The following HSD11B1L variants were observed in gnomAD, a reference collection of about 807,000 sequenced individuals.
HSD11B1L encodes hydroxysteroid 11-beta dehydrogenase 1 like.
Under a neutral mutation model 27.0 loss-of-function variants are expected in HSD11B1L, and 22 were observed. The ratio of observed to expected loss-of-function variants is 0.81; its 90% CI spans 0.58 to 1.16. HSD11B1L has a LOEUF of 1.16. HSD11B1L is among the 50% of genes most tolerant of loss of function. HSD11B1L has a pLI of 0.00. For missense variants in HSD11B1L, 372 were observed against 401.8 expected (o/e 0.93, Z 0.63); for synonymous variants, 187 against 189.2 (o/e 0.99, Z 0.09).
At position 5,684,875 on chromosome 19, in the gene HSD11B1L, G is replaced by A. The variant is rs761542737; in HGVS notation, c.43G>A (p.Ala15Thr). 28 of 1,613,720 alleles carry A rather than the reference G, an allele frequency of 1.7e-5. No homozygotes were observed. The East Asian group carries it at 3.1e-4, about 18-fold the overall frequency. The change falls in exon 2 of 8, where the codon GCC becomes ACC. Residue 15 changes from alanine (A) to threonine (T), a missense_variant. Transcript: ENST00000339423. ...CACAGGGCTGGGGGCCCTGTTCTTC[G>A]CCTATTATTGGGATGACAACTTCGA... ...LLTGLGALFF[A>T]YYWDDNFDPA...
chr19:5,687,921 C>A lies in HSD11B1L; in HGVS notation c.837C>A (p.Leu279=), dbSNP rs1163386756. 6 of 1,567,564 alleles carry A rather than the reference C, an allele frequency of 3.8e-6. No individual in the cohort carries two copies. The South Asian group carries it at 7.0e-5, about 18-fold the overall frequency. ...GGGCCTGGTTTATCCGCCAGGAGCT[C>A]AACGTCACGGCCGCGGCAGCCTGAG... The part of the protein sequence containing the change: ...RPRAWFIRQE[L]NVTAAAA Residue 279 remains leucine (L), a synonymous_variant, in exon 8 of 8, where the codon CTC becomes CTA. Transcript: ENST00000339423. The surrounding 1 kb of genome is among the most constrained non-coding windows in gnomAD (Gnocchi z 6.6).
rs566920318 is a variant in HSD11B1L, at chr19:5,688,139, C to A, written c.*194C>A. On this transcript the variant is annotated 3_prime_UTR_variant, in exon 8 of 8. Coordinates refer to ENST00000339423, the MANE Select transcript of HSD11B1L (RefSeq NM_198706.3). Reference sequence around the variant, plus strand: ...CACGGCTTGGGAGGTGCAGGTGCCCCGTGTTAGGCGCCTTTGTCGGGGACT... The same window carrying A: ...CACGGCTTGGGAGGTGCAGGTGCCCAGTGTTAGGCGCCTTTGTCGGGGACT... The A allele has an allele frequency of 3.2e-6, 5 of 1,551,146 alleles. No individual in the cohort carries two copies. The East Asian group carries it at 7.3e-5, about 23-fold the overall frequency.
intron 3 of HSD11B1L, 77 bp from the exon 4 acceptor site, chr19:5,686,339 C>A: frequency 2.0e-6 from 2 of 1,021,660 alleles, no homozygotes; most frequent in African/African-American, 1.6e-5. Flanking sequence ...GGGGGCCTCC[C>A]TATGGCCAGC....
rs371734624 is a variant in HSD11B1L at position 5,687,403 on chromosome 19, G to A, written c.502+28G>A. On this transcript the variant is annotated intron_variant, in intron 6 of 7. Coordinates refer to ENST00000339423, the MANE Select transcript of HSD11B1L (RefSeq NM_198706.3). The surrounding 1 kb of genome is among the most constrained non-coding windows in gnomAD (Gnocchi z 6.6). ...GCGTGCACCCGGCCCCGGCTCTGCG[G>A]GACGGGGAGTGGGGAGCTCGATGCG... 60 of 1,607,574 alleles carry A rather than the reference G, an allele frequency of 3.7e-5. No individual in the cohort carries two copies. Among genetic ancestry groups the A allele is most frequent in the Non-Finnish European group, 5.0e-5 (59 of 1,178,446 alleles).
chr19:5,686,743 G>A (rs1042735834), intron 4 of HSD11B1L, among the ~76,000 whole-genome samples, 157 bp from the exon 5 acceptor site: 5 of 152,226 alleles, frequency 3.3e-5, no homozygotes, highest in African/African-American at 1.2e-4. Context: ...GCTAGATCCA[G>A]GGTGTAAGGC....
At position 5,685,303 on chromosome 19, in the gene HSD11B1L, C is replaced by G. The variant is rs1189314500; in HGVS notation, c.204+184C>G. On this transcript the variant is annotated intron_variant, in intron 3 of 7. Coordinates refer to ENST00000339423, the MANE Select transcript of HSD11B1L (RefSeq NM_198706.3). The surrounding 1 kb of genome is among the most constrained non-coding windows in gnomAD (Gnocchi z 4.3). Reference sequence around the variant, plus strand: ...ACAATAAAACCACTTTCTGGCCAGGCACGGTGGCTCACGCTTGTAGTCAGC... The same window carrying G: ...ACAATAAAACCACTTTCTGGCCAGGGACGGTGGCTCACGCTTGTAGTCAGC... 1 of 802,268 alleles carries G rather than the reference C, an allele frequency of 1.2e-6. No individual in the cohort carries two copies. Among genetic ancestry groups the G allele is most frequent in the Non-Finnish European group, 2.1e-6 (1 of 478,856 alleles). The allele number at this position is 802,268 out of a possible 1,614,324, so 49.7% of individuals were successfully genotyped here.
In HSD11B1L at chr19:5,685,457, A is replaced by G; in HGVS notation, c.204+338A>G. On this transcript the variant is annotated intron_variant, in intron 3 of 7. Coordinates refer to ENST00000339423, the MANE Select transcript of HSD11B1L (RefSeq NM_198706.3). This position sits in a 1 kb window ranked among gnomAD's most constrained non-coding sequence, Gnocchi z 4.3. The stretch of plus-strand genomic sequence containing the variant: ...CCAGGCATGGTGGCTCATGCCTGTA[A>G]TCCTAGCACTTTGGGAGGCCAAGGC... 2.6e-6 allele frequency: 1 copy of G among 388,270 alleles called. No homozygotes were observed. The highest frequency in any genetic ancestry group is 2.0e-5 in the South Asian group (1 of 49,248). 24.1% of individuals were successfully genotyped at this position (388,270 alleles called of 1,614,324 possible). A position where few individuals can be genotyped will look rare whatever the true frequency, so the allele number is the denominator to read the frequency against.
chr19:5,685,368 G>T lies in HSD11B1L; in HGVS notation c.204+249G>T, dbSNP rs1163595933. ...AGGAAAGTGGATCACCTGAGGTCAG[G>T]AGTTCAAGACCAGCCTGGCCAACAT... On this transcript the variant is annotated intron_variant, in intron 3 of 7. Transcript: ENST00000339423. This position sits in a 1 kb window ranked among gnomAD's most constrained non-coding sequence, Gnocchi z 4.3. 4.7e-6 allele frequency: 3 copies of T among 632,960 alleles called. No individual in the cohort carries two copies. The highest frequency in any genetic ancestry group is 8.7e-6 in the Non-Finnish European group (3 of 343,398). 39.2% of individuals were successfully genotyped at this position (632,960 alleles called of 1,614,324 possible).
intron 4 of HSD11B1L, among the ~76,000 whole-genome samples, 163 bp downstream of exon 4, chr19:5,686,690 G>A (rs2054701488): frequency 6.6e-6 from 1 of 152,210 alleles, no homozygotes; most frequent in Non-Finnish European, 1.5e-5. Context: ...GCGTCTGGGG[G>A]AAGAGCTCTG....
Position 5,685,411 on chromosome 19 carries a change from A to G in HSD11B1L, c.204+292A>G. 2.0e-6 allele frequency: 1 copy of G among 498,160 alleles called. No individual in the cohort carries two copies. The highest frequency in any genetic ancestry group is 2.6e-5 in the Admixed American group (1 of 38,256). 30.9% of individuals were successfully genotyped at this position (498,160 alleles called of 1,614,324 possible). ...GCCAACATGGCGAAACCTGGTCTCT[A>G]CTAAGAAGACAAAAATTAGGCCAGG... is the stretch of plus-strand genomic sequence containing the variant. On this transcript the variant is annotated intron_variant, in intron 3 of 7. Coordinates refer to ENST00000339423, the MANE Select transcript of HSD11B1L (RefSeq NM_198706.3). This position sits in a 1 kb window ranked among gnomAD's most constrained non-coding sequence, Gnocchi z 4.3.
intron 1 of HSD11B1L, 163 bp from the exon 2 acceptor site, chr19:5,684,656 G>A (rs1257920494): frequency 4.6e-5 from 48 of 1,046,864 alleles, no homozygotes; most frequent in Admixed American, 3.4e-4. Flanking sequence ...TCATGGAGCC[G>A]CGGTGGTTCA....
chr19:5,684,134 G>GC (rs200090607), intron 1 of HSD11B1L: 9,641 of 416,410 alleles, frequency 0.023, 156 homozygotes, highest in Middle Eastern at 0.058. Context: ...GCGTGCCTCA[G>GC]CCCCCTGAGT....
At chr19:5,681,792 T>C (rs1360916256) in intron 1 of HSD11B1L, among the ~76,000 whole-genome samples, 3 of 151,940 alleles carry the variant, frequency 2.0e-5, no homozygotes, top group African/African-American at 7.3e-5. Context: ...CCCATCCATC[T>C]ATTCATCTGG....
At chr19:5,681,902 G>T (rs1464415668) in intron 1 of HSD11B1L, among the ~76,000 whole-genome samples, 1 of 152,206 alleles carries the variant, frequency 6.6e-6, no homozygotes, top group Non-Finnish European at 1.5e-5. Context: ...AGTCCATCTG[G>T]TCCCACTTCC....
chr19:5,688,032 TGA>T lies in HSD11B1L; in HGVS notation c.*91_*92del. 1 of 1,551,470 alleles carries T rather than the reference TGA, an allele frequency of 6.4e-7. No homozygotes were observed. The highest frequency in any genetic ancestry group is 8.7e-7 in the Non-Finnish European group (1 of 1,146,968). On this transcript the variant is annotated 3_prime_UTR_variant, in exon 8 of 8. Coordinates refer to ENST00000339423, the MANE Select transcript of HSD11B1L (RefSeq NM_198706.3). Reference sequence around the variant, plus strand: ...GCCAGAACACTCACAGAGACACCCCTGAGAGGGTGGCCACAGCCCAAGATGAA... The same window carrying T: ...GCCAGAACACTCACAGAGACACCCCTGAGGGTGGCCACAGCCCAAGATGAA...
chr19:5,687,677 C>T lies in HSD11B1L; in HGVS notation c.668+9C>T. On this transcript the variant is annotated intron_variant, in intron 7 of 7. Coordinates refer to ENST00000339423, the MANE Select transcript of HSD11B1L (RefSeq NM_198706.3). The surrounding 1 kb of genome is among the most constrained non-coding windows in gnomAD (Gnocchi z 6.6). Reference sequence around the variant, plus strand: ...GCCGCCGAGGCAGTCAGGTGAGGCCCGGACAAGCTGGGGGCTGGGCTGGGG... The same window carrying T: ...GCCGCCGAGGCAGTCAGGTGAGGCCTGGACAAGCTGGGGGCTGGGCTGGGG... The T allele has an allele frequency of 1.3e-6, 2 of 1,568,870 alleles. No homozygotes were observed. The highest frequency in any genetic ancestry group is 1.7e-6 in the Non-Finnish European group (2 of 1,162,730).
At chr19:5,681,590 C>G (rs1481901948) in intron 1 of HSD11B1L, among the ~76,000 whole-genome samples, 1 of 152,098 alleles carries the variant, frequency 6.6e-6, no homozygotes, top group Non-Finnish European at 1.5e-5. Flanking sequence ...ACCCATCCAT[C>G]TATTTATCTG....
chr19:5,687,848 G>C lies in HSD11B1L; in HGVS notation c.764G>C (p.Trp255Ser), dbSNP rs1211227183. 6.4e-7 allele frequency: 1 copy of C among 1,573,906 alleles called. No homozygotes were observed. Among genetic ancestry groups the C allele is most frequent in the East Asian group, 2.4e-5 (1 of 42,478 alleles). Residue 255 changes from tryptophan (W) to serine (S), a missense_variant, in exon 8 of 8, where the codon TGG becomes TCG. Transcript: ENST00000339423. This position sits in a 1 kb window ranked among gnomAD's most constrained non-coding sequence, Gnocchi z 6.6. ...CGCGCGGCCGGCGTCTTCTACCCGT[G>C]GCGTTTCCGCCTGCTGTGCTTGCTC... ...ATRAAGVFYP[W>S]RFRLLCLLRR...
At chr19:5,686,150 T>C (rs886861258) in intron 3 of HSD11B1L, among the ~76,000 whole-genome samples, 1 of 152,160 alleles carries the variant, frequency 6.6e-6, no homozygotes, top group Non-Finnish European at 1.5e-5. Context: ...CAAGAGAAGC[T>C]AGCAATCAGG....
Sources: allele counts gnomAD v4.1 joint callset (sites outside exome capture counted in the v4.1 genomes callset), GRCh38; gene constraint gnomAD v4.1.1; non-coding constraint Gnocchi (gnomAD v3.1); transcripts MANE v1.5; gene names NCBI Gene and HGNC (gene_info 2026-07-23, HGNC 2026-07-21).